MAF: variants seen among roughly 807,000 people sequenced by gnomAD.
The protein encoded by MAF is MAF bZIP transcription factor.
In MAF, 10 loss-of-function variants were observed where a neutral mutation model predicts 22.0. The ratio of observed to expected loss-of-function variants is 0.45; its 90% CI spans 0.28 to 0.77. The LOEUF is 0.77. Among genes scored for constraint, MAF ranks in the 30% least tolerant of loss-of-function variants. MAF has a pLI of 0.12. For missense variants in MAF, 544 were observed against 548.4 expected (o/e 0.99, Z 0.08); for synonymous variants, 337 against 255.8 (o/e 1.32, Z -3.03).
chr16:79,407,642 C>G, the MAF span, among the ~76,000 whole-genome samples: 1 of 152,252 alleles, frequency 6.6e-6, no homozygotes, highest in East Asian at 1.9e-4. Context: ...CTGGTAATCT[C>G]AGAAGCACAT....
the MAF span, among the ~76,000 whole-genome samples, chr16:79,315,577 G>A: frequency 6.6e-6 from 1 of 152,268 alleles, no homozygotes; most frequent in African/African-American, 2.4e-5. Flanking sequence ...AAATGAGGCT[G>A]GGCTTGGTTA....
At chr16:79,280,900 T>A in the MAF span, among the ~76,000 whole-genome samples, 1 of 152,194 alleles carries the variant, frequency 6.6e-6, no homozygotes, top group Non-Finnish European at 1.5e-5. Flanking sequence ...CTCTGAAGAT[T>A]TAGTTTCCCT....
At chr16:79,349,913 G>A in the MAF span, among the ~76,000 whole-genome samples, 1 of 152,092 alleles carries the variant, frequency 6.6e-6, no homozygotes, top group Non-Finnish European at 1.5e-5. Flanking sequence ...CACTCATACT[G>A]AACTTTTCAT....
chr16:79,452,776 C>G, the MAF span, among the ~76,000 whole-genome samples: 1 of 152,080 alleles, frequency 6.6e-6, no homozygotes. Context: ...TCCATAAAAC[C>G]CTCCCTGCTC....
chr16:79,348,072 C>A, the MAF span, among the ~76,000 whole-genome samples: 1 of 152,202 alleles, frequency 6.6e-6, no homozygotes, highest in Non-Finnish European at 1.5e-5. Context: ...ATTAGTGTGA[C>A]CTTTTCCTGC....
chr16:79,260,472 T>TCTATATCTATAG, the MAF span, among the ~76,000 whole-genome samples: 2 of 149,562 alleles, frequency 1.3e-5, no homozygotes, highest in Admixed American at 6.6e-5. Flanking sequence ...TCTATCTATA[T>TCTATATCTATAG]CTATATCTAT....
the MAF span, among the ~76,000 whole-genome samples, chr16:79,401,286 G>A: frequency 7.2e-5 from 11 of 152,118 alleles, no homozygotes; most frequent in South Asian, 2.1e-4. Flanking sequence ...AATAGATTCC[G>A]ATTTAGTTTT....
At chr16:79,307,978 C>G in the MAF span, among the ~76,000 whole-genome samples, 1 of 152,242 alleles carries the variant, frequency 6.6e-6, no homozygotes. Context: ...AAAAACAGAA[C>G]TACCTCCTTG....
the MAF span, among the ~76,000 whole-genome samples, chr16:79,311,272 C>T: frequency 6.6e-6 from 1 of 151,968 alleles, no homozygotes; most frequent in Non-Finnish European, 1.5e-5. Context: ...CTTTTCTTTC[C>T]CCTCTAAACC....
At chr16:79,376,284 A>G in the MAF span, among the ~76,000 whole-genome samples, 2 of 152,104 alleles carry the variant, frequency 1.3e-5, no homozygotes, top group Non-Finnish European at 2.9e-5. Flanking sequence ...AATAGGTTGC[A>G]TCTATCTTAA....
the MAF span, among the ~76,000 whole-genome samples, chr16:79,565,535 G>T: frequency 6.6e-6 from 1 of 151,952 alleles, no homozygotes; most frequent in African/African-American, 2.4e-5. Context: ...GGAGGTGACT[G>T]AATCATGGGG....
At chr16:79,570,318 C>G in the MAF span, among the ~76,000 whole-genome samples, 1 of 152,122 alleles carries the variant, frequency 6.6e-6, no homozygotes, top group Non-Finnish European at 1.5e-5. Flanking sequence ...CCCTCCTCAG[C>G]TCTTTGCTGG....
the MAF span, among the ~76,000 whole-genome samples, chr16:79,457,627 T>C: frequency 6.6e-6 from 1 of 152,182 alleles, no homozygotes; most frequent in Non-Finnish European, 1.5e-5. Context: ...TATACATTTG[T>C]ATGTACTTCA....
chr16:79,594,325 A>T lies in MAF; in HGVS notation c.*135T>A. The T allele has an allele frequency of 1.2e-6, 1 of 838,856 alleles. No homozygotes were observed. Among genetic ancestry groups the T allele is most frequent in the Non-Finnish European group, 1.9e-6 (1 of 514,458 alleles). 52.0% of individuals were successfully genotyped at this position (838,856 alleles called of 1,614,324 possible). On this transcript the variant is annotated 3_prime_UTR_variant, in exon 2 of 2. Transcript: ENST00000326043. ...GAGGCATAGTTAACTACTACATTTAATAGCCTTCTTCTCTAACACAGTAAT... is the reference window on the plus strand; with the variant it reads ...GAGGCATAGTTAACTACTACATTTATTAGCCTTCTTCTCTAACACAGTAAT...
At chr16:79,357,536 C>G in the MAF span, among the ~76,000 whole-genome samples, 1 of 152,170 alleles carries the variant, frequency 6.6e-6, no homozygotes, top group Non-Finnish European at 1.5e-5. Context: ...TATGGGAACC[C>G]TGCTGGGTCA....
the MAF span, among the ~76,000 whole-genome samples, chr16:79,552,797 C>T: frequency 6.6e-6 from 1 of 152,158 alleles, no homozygotes; most frequent in African/African-American, 2.4e-5. Flanking sequence ...GTTATGTTCA[C>T]AGTACTTACC....
At chr16:79,479,114 T>A in the MAF span, among the ~76,000 whole-genome samples, 2 of 135,022 alleles carry the variant, frequency 1.5e-5, no homozygotes, top group Non-Finnish European at 3.2e-5. Context: ...CCCCAGCATA[T>A]CTGTATACCA....
the MAF span, among the ~76,000 whole-genome samples, chr16:79,509,667 A>G: frequency 1.3e-5 from 2 of 152,232 alleles, no homozygotes; most frequent in Non-Finnish European, 2.9e-5. Context: ...CTGAGCGTGT[A>G]ATTCATTCAC....
the MAF span, among the ~76,000 whole-genome samples, chr16:79,358,234 C>A: frequency 1.3e-5 from 2 of 152,174 alleles, no homozygotes; most frequent in South Asian, 2.1e-4. Flanking sequence ...AAATCCTGCT[C>A]ACTGGCTTCG....
Sources: allele counts gnomAD v4.1 joint callset (sites outside exome capture counted in the v4.1 genomes callset), GRCh38; gene constraint gnomAD v4.1.1; transcripts MANE v1.5; gene names NCBI Gene and HGNC (gene_info 2026-07-23, HGNC 2026-07-21).